DYM: variants seen among roughly 807,000 people sequenced by gnomAD.
The protein encoded by DYM is dymeclin.
A neutral mutation model predicts 93.1 loss-of-function variants in DYM; 78 were observed. The observed-to-expected ratio is 0.84, with a 90% CI of 0.70 to 1.01. The LOEUF (loss-of-function observed/expected upper bound fraction) is 1.01. Ranked by LOEUF, DYM falls within the 50% of genes least tolerant of loss-of-function variation. The pLI is 0.00. For synonymous variants in DYM, 321 were observed against 319.7 expected (o/e 1.00, Z -0.04); for missense variants, 789 against 845.0 (o/e 0.93, Z 0.82).
chr18:49,321,756 G>A (rs1039158484), intron 8 of DYM, among the ~76,000 whole-genome samples: 1 of 151,698 alleles, frequency 6.6e-6, no homozygotes, highest in African/African-American at 2.4e-5. Context: ...TCCTGAAAAG[G>A]GGGGGAAAAA....
intron 10 of DYM, among the ~76,000 whole-genome samples, chr18:49,274,237 T>C (rs1239238764): frequency 6.6e-6 from 1 of 152,138 alleles, no homozygotes; most frequent in African/African-American, 2.4e-5. Context: ...TCCGTATGAA[T>C]AGAATCATAC....
chr18:49,289,774 C>CGT (rs1366266348), intron 8 of DYM, among the ~76,000 whole-genome samples: 37 of 37,102 alleles, frequency 1.0e-3, no homozygotes, highest in African/African-American at 2.5e-3. Flanking sequence ...TATATATATA[C>CGT]ACATATATAT....
At position 49,197,418 on chromosome 18, in the gene DYM, T is replaced by C. The variant is rs561482478; in HGVS notation, c.1625+12133A>G. The stretch of plus-strand genomic sequence containing the variant: ...CAGAAGCCAAAAGAGGGTGGGGCTG[T>C]ACTACCTAGTTCATCTGTTGAGGTC... On this transcript the variant is annotated intron_variant, in intron 14 of 17. Transcript: ENST00000675505. 4.3e-4 allele frequency among the ~76,000 whole-genome samples: 66 copies of C among 152,094 alleles called. 1 individual carries two copies. Among genetic ancestry groups the C allele is most frequent in the Non-Finnish European group, 9.0e-4 (61 of 68,010 alleles).
chr18:49,219,923 G>A (rs948927549), intron 13 of DYM, among the ~76,000 whole-genome samples: 4 of 109,142 alleles, frequency 3.7e-5, no homozygotes, highest in African/African-American at 1.1e-4. Context: ...TAGGCAGAAG[G>A]AAATAAAGGG....
At chr18:49,141,758 T>C (rs1392972568) in intron 15 of DYM, among the ~76,000 whole-genome samples, 1 of 152,208 alleles carries the variant, frequency 6.6e-6, no homozygotes, top group African/African-American at 2.4e-5. Flanking sequence ...TTATTTTCCC[T>C]CCACTAGCTT....
intron 1 of DYM, among the ~76,000 whole-genome samples, chr18:49,445,315 T>G (rs2082003777): frequency 6.6e-6 from 1 of 152,186 alleles, no homozygotes; most frequent in Admixed American, 6.5e-5. Flanking sequence ...CCCAAGATTA[T>G]AGAGCTAGAA....
chr18:49,361,029 T>C (rs190790081), intron 6 of DYM, among the ~76,000 whole-genome samples: 62 of 152,330 alleles, frequency 4.1e-4, no homozygotes, highest in Non-Finnish European at 7.8e-4. Flanking sequence ...TCTGCTCACA[T>C]ATACTTGACC....
chr18:49,447,575 T>C (rs374296952), intron 1 of DYM, among the ~76,000 whole-genome samples: 2 of 152,144 alleles, frequency 1.3e-5, no homozygotes, highest in African/African-American at 4.8e-5. Flanking sequence ...TTAGCTGTCG[T>C]GTGGGGCTGG....
At chr18:49,328,039 AT>A (rs2146737890) in intron 8 of DYM, among the ~76,000 whole-genome samples, 1 of 152,330 alleles carries the variant, frequency 6.6e-6, no homozygotes, top group East Asian at 1.9e-4. Context: ...TCTATTTCCT[AT>A]GTAATCTTAG....
At chr18:49,272,916 G>T (rs746635608) in intron 10 of DYM, among the ~76,000 whole-genome samples, 1 of 151,946 alleles carries the variant, frequency 6.6e-6, no homozygotes, top group Non-Finnish European at 1.5e-5. Flanking sequence ...AAGTAAGGAG[G>T]TTACTGAAAT....
chr18:49,414,883 TGA>T (rs2072739375), intron 2 of DYM, among the ~76,000 whole-genome samples: 1 of 152,204 alleles, frequency 6.6e-6, no homozygotes. Flanking sequence ...ATAAACTGCA[TGA>T]GAGCAGGGAC....
At chr18:49,102,027 C>A (rs1324950694) in intron 16 of DYM, among the ~76,000 whole-genome samples, 1 of 152,170 alleles carries the variant, frequency 6.6e-6, no homozygotes, top group African/African-American at 2.4e-5. Flanking sequence ...AGAGAACTTA[C>A]CTGGTGTCGG....
chr18:49,291,927 A>G (rs1184552803), intron 8 of DYM, among the ~76,000 whole-genome samples: 1 of 152,062 alleles, frequency 6.6e-6, no homozygotes, highest in African/African-American at 2.4e-5. Flanking sequence ...ATTTAAAGCC[A>G]TTTTCTTCCA....
intron 17 of DYM, among the ~76,000 whole-genome samples, chr18:49,080,220 A>G (rs1248260249): frequency 1.4e-5 from 1 of 73,360 alleles, no homozygotes; most frequent in African/African-American, 5.5e-5. Flanking sequence ...TGACCCCCCA[A>G]CCTCCCTCTC....
In DYM at chr18:49,258,781, GACACAC is replaced by G. The variant is rs61429427; in HGVS notation, c.1252-294_1252-289del. On this transcript the variant is annotated intron_variant, in intron 11 of 17. Coordinates refer to ENST00000675505, the MANE Select transcript of DYM (RefSeq NM_001353214.3). ...GTAGATTTGTAACCTAGGGATCATA[GACACAC>G]ACACACACACACACACACACACACA... 0.45 allele frequency among the ~76,000 whole-genome samples: 50,590 copies of G among 111,878 alleles called. 10,924 individuals are homozygous for G. The highest frequency in any genetic ancestry group is 0.64 in the Middle Eastern group (142 of 222). 73.4% of individuals were successfully genotyped at this position (111,878 alleles called of 152,430 possible).
intron 15 of DYM, among the ~76,000 whole-genome samples, chr18:49,135,163 C>A (rs547657641): frequency 6.6e-6 from 1 of 152,100 alleles, no homozygotes; most frequent in South Asian, 2.1e-4. Context: ...AAATAAACAA[C>A]ATTTTAAAAA....
At chr18:49,075,020 A>C (rs1443565282) in intron 17 of DYM, among the ~76,000 whole-genome samples, 1 of 152,108 alleles carries the variant, frequency 6.6e-6, no homozygotes, top group Non-Finnish European at 1.5e-5. Context: ...GCAATGGGGG[A>C]GACAGACAGG....
chr18:49,422,131 T>G (rs955509071), intron 2 of DYM, among the ~76,000 whole-genome samples: 2 of 152,070 alleles, frequency 1.3e-5, no homozygotes, highest in African/African-American at 4.8e-5. Flanking sequence ...CAGGCCAACA[T>G]TCAAATTCAG....
At chr18:49,289,411 A>C (rs1182142161) in intron 8 of DYM, among the ~76,000 whole-genome samples, 2 of 117,192 alleles carry the variant, frequency 1.7e-5, no homozygotes, top group Non-Finnish European at 3.5e-5. Flanking sequence ...CAGTAAAAAA[A>C]AAAAAAAAAA....
Sources: gnomAD v4.1 joint callset for allele counts (sites outside exome capture counted in the v4.1 genomes callset) on GRCh38, gnomAD v4.1.1 for gene constraint, MANE v1.5 for transcripts, NCBI Gene and HGNC (gene_info 2026-07-23, HGNC 2026-07-21) for gene names.